Variants in ERC2 observed in about 807,000 individuals in gnomAD.
ERC2 encodes ELKS/RAB6-interacting/CAST family member 2, also known as ERC protein 2.
Under a neutral mutation model 114.8 loss-of-function variants are expected in ERC2, and 42 were observed. The ratio of observed to expected loss-of-function variants is 0.37; its 90% CI spans 0.29 to 0.47. The LOEUF (loss-of-function observed/expected upper bound fraction) is 0.47, where lower values mean the gene tolerates loss of function less well. Among genes scored for constraint, ERC2 ranks in the 20% least tolerant of loss-of-function variants. The pLI is 0.99. For missense variants in ERC2, 939 were observed against 1,150.7 expected, an observed-to-expected ratio of 0.82 and a Z score of 2.66; for synonymous variants, 454 against 425.5, an observed-to-expected ratio of 1.07 and a Z score of -0.82.
intron 17 of ERC2, among the ~76,000 whole-genome samples, chr3:55,653,656 G>A (rs1314392464): frequency 6.6e-6 from 1 of 151,856 alleles, no homozygotes; most frequent in Non-Finnish European, 1.5e-5. Context: ...GCATAGATGT[G>A]GGGATGTTGC....
intron 7 of ERC2, among the ~76,000 whole-genome samples, chr3:56,039,130 G>A (rs138778400): frequency 1.3e-5 from 2 of 152,246 alleles, no homozygotes; most frequent in East Asian, 3.9e-4. Flanking sequence ...CTACTTAGGT[G>A]ATAGATTGAT....
intron 14 of ERC2, among the ~76,000 whole-genome samples, chr3:55,886,506 T>C (rs986631758): frequency 1.3e-5 from 2 of 152,226 alleles, no homozygotes; most frequent in Non-Finnish European, 2.9e-5. Context: ...AACCATTTTA[T>C]GAACTTTGTA....
chr3:55,878,913 T>C (rs759731976), intron 14 of ERC2, among the ~76,000 whole-genome samples: 1 of 152,166 alleles, frequency 6.6e-6, no homozygotes, highest in Non-Finnish European at 1.5e-5. Flanking sequence ...TAATTATTTC[T>C]CTATAATGAG....
chr3:56,423,796 TGCTTTCCACA>T (rs2061471059), intron 2 of ERC2, among the ~76,000 whole-genome samples: 1 of 152,248 alleles, frequency 6.6e-6, no homozygotes. Context: ...ACTTTTGAAA[TGCTTTCCACA>T]GCTTTCAGAA....
intron 12 of ERC2, among the ~76,000 whole-genome samples, chr3:55,972,575 G>C (rs1276002866): frequency 6.6e-6 from 1 of 152,182 alleles, no homozygotes; most frequent in Non-Finnish European, 1.5e-5. Flanking sequence ...ATGGTTTCCA[G>C]CTTCATCCAA....
chr3:55,808,726 T>TATAG (rs2059591888), intron 14 of ERC2, among the ~76,000 whole-genome samples: 1 of 113,800 alleles, frequency 8.8e-6, no homozygotes, highest in Non-Finnish European at 1.8e-5. Context: ...TATATATATA[T>TATAG]ATATATATAT....
intron 3 of ERC2, among the ~76,000 whole-genome samples, chr3:56,218,300 A>G (rs926890228): frequency 2.0e-5 from 3 of 151,890 alleles, no homozygotes; most frequent in Admixed American, 6.6e-5. Context: ...CAAGAAAAAA[A>G]CAAACAACCC....
At chr3:56,071,216 GCAAA>G (rs2076726882) in intron 7 of ERC2, among the ~76,000 whole-genome samples, 1 of 152,208 alleles carries the variant, frequency 6.6e-6, no homozygotes, top group Non-Finnish European at 1.5e-5. Context: ...AGGAGGGCAG[GCAAA>G]CAAACAGGCC....
chr3:55,963,738 G>A (rs1470155086), intron 12 of ERC2, among the ~76,000 whole-genome samples: 3 of 152,310 alleles, frequency 2.0e-5, no homozygotes, highest in Admixed American at 6.5e-5. Flanking sequence ...ATTTGGTAGG[G>A]TGTCAGCTGT....
intron 3 of ERC2, among the ~76,000 whole-genome samples, chr3:56,227,085 G>T (rs1387068797): frequency 6.6e-6 from 1 of 151,842 alleles, no homozygotes; most frequent in Non-Finnish European, 1.5e-5. Context: ...TCCCCCACTG[G>T]CCCTGCTTGG....
chr3:55,586,699 A>G (rs2057622806), intron 17 of ERC2, among the ~76,000 whole-genome samples: 1 of 152,204 alleles, frequency 6.6e-6, no homozygotes, highest in Non-Finnish European at 1.5e-5. Context: ...AGAAAATGCA[A>G]ATGCCTTGAA....
chr3:55,508,646 AC>A lies in ERC2; in HGVS notation c.*2669del, dbSNP rs1358557679. 2 of 152,644 alleles carry A rather than the reference AC, an allele frequency of 1.3e-5. No homozygotes were observed. The highest frequency in any genetic ancestry group is 6.5e-5 in the Admixed American group (1 of 15,282). 9.5% of individuals were successfully genotyped at this position (152,644 alleles called of 1,614,324 possible). On this transcript the variant is annotated 3_prime_UTR_variant, in exon 18 of 18. Coordinates refer to ENST00000288221, the MANE Select transcript of ERC2 (RefSeq NM_015576.3). The stretch of plus-strand genomic sequence containing the variant: ...CTGGGCAGCATTCAATCGCCACTCT[AC>A]ACAAAAACATTGCAGATAGAGCTTA...
Position 55,699,417 on chromosome 3 carries a change from C to T in ERC2, c.2808G>A (p.Gly936=). 4 of 1,613,738 alleles carry T rather than the reference C, an allele frequency of 2.5e-6. No individual in the cohort carries two copies. The highest frequency in any genetic ancestry group is 2.5e-6 in the Non-Finnish European group (3 of 1,179,816). The part of the protein sequence containing the change: ...HHHHHHHRSP[G]RSQHSNHRPS... ...GCCTGTGATTGGAATGTTGCGACCT[C>T]CCAGGAGATCGATGGTGGTGGTGAT... Residue 936 remains glycine (G), a synonymous_variant, in exon 16 of 18, where the codon GGG becomes GGA. Transcript: ENST00000288221.
At chr3:56,253,400 TA>T (rs987457046) in intron 3 of ERC2, among the ~76,000 whole-genome samples, 2 of 152,350 alleles carry the variant, frequency 1.3e-5, no homozygotes, top group East Asian at 3.9e-4. Context: ...TTTCTTTTTC[TA>T]AAAAAGGGAG....
intron 6 of ERC2, among the ~76,000 whole-genome samples, chr3:56,102,425 A>G (rs1416006137): frequency 6.6e-6 from 1 of 152,208 alleles, no homozygotes; most frequent in Admixed American, 6.5e-5. Context: ...AACAAAACCA[A>G]AAACAAAGAA....
chr3:55,972,431 C>T (rs1338272962), intron 12 of ERC2, among the ~76,000 whole-genome samples: 1 of 152,086 alleles, frequency 6.6e-6, no homozygotes, highest in Non-Finnish European at 1.5e-5. Context: ...TTCCCTTGTC[C>T]CCAACACCCC....
chr3:55,864,050 C>T (rs539288844), intron 14 of ERC2, among the ~76,000 whole-genome samples: 1 of 148,750 alleles, frequency 6.7e-6, no homozygotes, highest in African/African-American at 2.5e-5. Context: ...CCCCTTCTAC[C>T]CATCCCATAT....
chr3:56,118,294 C>G (rs2079364383), intron 6 of ERC2, among the ~76,000 whole-genome samples: 1 of 152,176 alleles, frequency 6.6e-6, no homozygotes, highest in Non-Finnish European at 1.5e-5. Context: ...ACTTCTACCT[C>G]AGAGGATCAT....
intron 7 of ERC2, among the ~76,000 whole-genome samples, chr3:56,058,798 A>C (rs970741065): frequency 3.3e-5 from 5 of 152,206 alleles, no homozygotes; most frequent in African/African-American, 1.2e-4. Flanking sequence ...CTCCCATTAG[A>C]TTCTGGATTC....
Sources: allele counts gnomAD v4.1 joint callset (sites outside exome capture counted in the v4.1 genomes callset), GRCh38; gene constraint gnomAD v4.1.1; transcripts MANE v1.5; gene names NCBI Gene and HGNC (gene_info 2026-07-23, HGNC 2026-07-21).